Variants in GAD2 observed in about 807,000 individuals in gnomAD.
The protein encoded by GAD2 is glutamate decarboxylase 2.
GAD2 carries 22 observed loss-of-function variants against 80.1 expected under a neutral mutation model. The observed-to-expected ratio is 0.27, with a 90% confidence interval of 0.20 to 0.39. GAD2 has a LOEUF of 0.39. Among genes scored for constraint, GAD2 ranks in the 10% least tolerant of loss-of-function variants. GAD2 has a pLI of 1.00. For missense variants in GAD2, 624 were observed against 738.4 expected, an observed-to-expected ratio of 0.85 and a Z score of 1.80; for synonymous variants, 274 against 256.9, an observed-to-expected ratio of 1.07 and a Z score of -0.64.
chr10:26,233,352 G>A (rs926473561), intron 7 of GAD2, among the ~76,000 whole-genome samples: 2 of 152,144 alleles, frequency 1.3e-5, no homozygotes, highest in Non-Finnish European at 2.9e-5. Flanking sequence ...ATGTGAAACC[G>A]ATGCTAATTT....
At chr10:26,300,480 A>G (rs892074925) in intron 15 of GAD2, among the ~76,000 whole-genome samples, 1 of 152,080 alleles carries the variant, frequency 6.6e-6, no homozygotes, top group Admixed American at 6.6e-5. Flanking sequence ...TTGCTAACCC[A>G]TTTAGCTTGG....
chr10:26,224,756 A>G, intron 6 of GAD2, 105 bp downstream of exon 6: 2 of 755,616 alleles, frequency 2.6e-6, no homozygotes, highest in Non-Finnish European at 2.2e-6. Flanking sequence ...TGCTTAGGTT[A>G]AATAGACTGT....
intron 7 of GAD2, among the ~76,000 whole-genome samples, chr10:26,237,363 C>A (rs1844686747): frequency 6.6e-6 from 1 of 152,120 alleles, no homozygotes; most frequent in Non-Finnish European, 1.5e-5. Flanking sequence ...AAGGCATGAC[C>A]CTTCGTCTCC....
intron 15 of GAD2, among the ~76,000 whole-genome samples, chr10:26,298,452 G>A (rs1008534136): frequency 1.3e-5 from 2 of 152,192 alleles, no homozygotes; most frequent in South Asian, 4.1e-4. Flanking sequence ...AATTCAGCTT[G>A]CTTCGGGAAC....
chr10:26,273,563 A>G (rs1845162997), intron 10 of GAD2, 73 bp from the exon 11 acceptor site: 3 of 1,286,896 alleles, frequency 2.3e-6, no homozygotes, highest in South Asian at 1.2e-5. Context: ...ATTTTCACCT[A>G]GAAAGACACC....
intron 11 of GAD2, among the ~76,000 whole-genome samples, chr10:26,280,739 G>A (rs1845261722): frequency 6.6e-6 from 1 of 151,978 alleles, no homozygotes; most frequent in South Asian, 2.1e-4. Context: ...TGGGGGTGAG[G>A]GTTGAAAAAT....
intron 15 of GAD2, among the ~76,000 whole-genome samples, chr10:26,298,779 C>T (rs1834300290): frequency 6.6e-6 from 1 of 152,194 alleles, no homozygotes. Flanking sequence ...CTTTTCTAAT[C>T]TGAGATTTAT....
At chr10:26,233,587 T>C (rs572683398) in intron 7 of GAD2, among the ~76,000 whole-genome samples, 2 of 152,320 alleles carry the variant, frequency 1.3e-5, no homozygotes, top group South Asian at 2.1e-4. Context: ...CCTCAGACAT[T>C]ATTTTCAATT....
intron 12 of GAD2, among the ~76,000 whole-genome samples, chr10:26,284,744 T>C (rs1256902919): frequency 6.6e-6 from 1 of 152,026 alleles, no homozygotes; most frequent in Non-Finnish European, 1.5e-5. Flanking sequence ...TAATTTTTTG[T>C]ATTTTTAGTA....
intron 8 of GAD2, among the ~76,000 whole-genome samples, chr10:26,252,136 G>T (rs1345434446): frequency 6.6e-6 from 1 of 152,174 alleles, no homozygotes; most frequent in Non-Finnish European, 1.5e-5. Flanking sequence ...GCCTGGACCT[G>T]CCCTCTGTGG....
chr10:26,258,499 C>T (rs1299039535), intron 8 of GAD2, among the ~76,000 whole-genome samples: 1 of 152,154 alleles, frequency 6.6e-6, no homozygotes, highest in Non-Finnish European at 1.5e-5. Context: ...TCTCACATTG[C>T]AAAATTGAAA....
intron 8 of GAD2, among the ~76,000 whole-genome samples, chr10:26,247,447 C>T (rs1844822913): frequency 6.6e-6 from 1 of 152,038 alleles, no homozygotes; most frequent in East Asian, 1.9e-4. Flanking sequence ...TTCCCCAGCT[C>T]CTATTCAAGA....
At position 26,281,068 on chromosome 10, in the gene GAD2, C is replaced by T. The variant is rs762468774; in HGVS notation, c.1217C>T (p.Ala406Val). 2 of 1,613,176 alleles carry T rather than the reference C, an allele frequency of 1.2e-6. No individual in the cohort carries two copies. Among genetic ancestry groups the T allele is most frequent in the East Asian group, 4.5e-5 (2 of 44,844 alleles). ...ATGGGAGTCCCTTTGCAGTGCTCTG[C>T]TCTCCTGGTTAGAGAAGAGGTATGT... ...KMMGVPLQCS[A>V]LLVREEGLMQ... Residue 406 changes from alanine to valine, a missense_variant, in exon 12 of 16, where the codon GCT (alanine) becomes GTT (valine). Coordinates refer to ENST00000376261, the MANE Select transcript of GAD2 (RefSeq NM_001134366.2).
chr10:26,270,794 T>C (rs1170385576), intron 10 of GAD2, 38 bp downstream of exon 10: 6 of 1,307,504 alleles, frequency 4.6e-6, no homozygotes, highest in Non-Finnish European at 6.7e-6. Flanking sequence ...AAAACGTCCT[T>C]GCACGTTTTT....
intron 8 of GAD2, among the ~76,000 whole-genome samples, chr10:26,256,401 A>G (rs1844943957): frequency 6.6e-6 from 1 of 152,194 alleles, no homozygotes; most frequent in Admixed American, 6.5e-5. Flanking sequence ...TGTGACATAG[A>G]TAGAATACTA....
At chr10:26,299,848 T>C (rs1411998420) in intron 15 of GAD2, among the ~76,000 whole-genome samples, 1 of 152,174 alleles carries the variant, frequency 6.6e-6, no homozygotes, top group Non-Finnish European at 1.5e-5. Context: ...AGGACTGTGG[T>C]GGAATCTTGA....
At chr10:26,233,017 C>T (rs1197382911) in intron 7 of GAD2, among the ~76,000 whole-genome samples, 1 of 151,852 alleles carries the variant, frequency 6.6e-6, no homozygotes, top group African/African-American at 2.4e-5. Context: ...TAATATATAA[C>T]ACCTTATATC....
intron 10 of GAD2, among the ~76,000 whole-genome samples, chr10:26,272,793 G>A (rs1845151156): frequency 6.6e-6 from 1 of 152,168 alleles, no homozygotes; most frequent in Admixed American, 6.5e-5. Flanking sequence ...GAACCCAGGA[G>A]GCAGAGGTTG....
In GAD2 at chr10:26,245,330, C is replaced by T. The variant is rs189210344; in HGVS notation, c.841-591C>T. On this transcript the variant is annotated intron_variant, in intron 7 of 15. Transcript: ENST00000376261. ...AGCAAACCACCATGGCACACGTTTA[C>T]CTATGTAACAAACCTGCACATCCCG... 4.7e-4 allele frequency among the ~76,000 whole-genome samples: 71 copies of T among 151,692 alleles called. 1 individual carries two copies. Among genetic ancestry groups the T allele is most frequent in the Admixed American group, 7.2e-4 (11 of 15,224 alleles).
Sources: allele counts gnomAD v4.1 joint callset (sites outside exome capture counted in the v4.1 genomes callset), GRCh38; gene constraint gnomAD v4.1.1; transcripts MANE v1.5; gene names NCBI Gene and HGNC (gene_info 2026-07-23, HGNC 2026-07-21).